GRM8: variants seen among roughly 807,000 people sequenced by gnomAD.
GRM8 encodes the protein glutamate metabotropic receptor 8.
Under a neutral mutation model 87.2 loss-of-function variants are expected in GRM8, and 47 were observed. The ratio of observed to expected loss-of-function variants is 0.54; its 90% CI spans 0.43 to 0.69. The LOEUF is 0.69. Among genes scored for constraint, GRM8 ranks in the 30% least tolerant of loss-of-function variants. The pLI is 0.00. For synonymous variants in GRM8, 396 were observed against 404.5 expected (o/e 0.98, Z 0.25); for missense variants, 1,019 against 1,139.2 (o/e 0.89, Z 1.52).
At chr7:126,602,456 C>CT in intron 8 of GRM8, among the ~76,000 whole-genome samples, 1 of 117,534 alleles carries the variant, frequency 8.5e-6, no homozygotes, top group East Asian at 3.0e-4. Flanking sequence ...GTAGTTTTTT[C>CT]CAATTCTGTG....
intron 7 of GRM8, among the ~76,000 whole-genome samples, chr7:126,701,096 T>A (rs1216437627): frequency 6.6e-6 from 1 of 152,046 alleles, no homozygotes. Flanking sequence ...TACAGTACAC[T>A]GGGCAGAGTG....
At chr7:126,797,604 T>C (rs1822107767) in intron 6 of GRM8, among the ~76,000 whole-genome samples, 1 of 152,144 alleles carries the variant, frequency 6.6e-6, no homozygotes, top group Non-Finnish European at 1.5e-5. Context: ...TGCTCCAATT[T>C]GAAGTCTACT....
chr7:127,097,125 T>C (rs975297457), intron 3 of GRM8, among the ~76,000 whole-genome samples: 5 of 152,074 alleles, frequency 3.3e-5, no homozygotes, highest in East Asian at 1.9e-4. Context: ...ATAGAAAAGA[T>C]TGACAGAGAA....
At chr7:126,732,624 T>C (rs1563134281) in intron 7 of GRM8, among the ~76,000 whole-genome samples, 1 of 152,150 alleles carries the variant, frequency 6.6e-6, no homozygotes, top group South Asian at 2.1e-4. Context: ...CACTTATCCT[T>C]ATTTGTGCAG....
At chr7:126,710,757 T>C (rs1241587215) in intron 7 of GRM8, among the ~76,000 whole-genome samples, 1 of 152,258 alleles carries the variant, frequency 6.6e-6, no homozygotes, top group Non-Finnish European at 1.5e-5. Context: ...TTTGGGCTCC[T>C]TCCATTAATC....
intron 3 of GRM8, among the ~76,000 whole-genome samples, chr7:126,994,895 A>G (rs1586701925): frequency 1.3e-5 from 2 of 152,212 alleles, no homozygotes; most frequent in Admixed American, 1.3e-4. Context: ...TCTTGAGAGA[A>G]TATAGGTCGT....
chr7:126,701,862 T>G, intron 7 of GRM8: 3 of 825,214 alleles, frequency 3.6e-6, no homozygotes, highest in Non-Finnish European at 5.4e-6. Flanking sequence ...ATAGTGATTA[T>G]AATGAGTTAA....
At chr7:127,097,675 C>A (rs1586993918) in intron 3 of GRM8, among the ~76,000 whole-genome samples, 1 of 152,250 alleles carries the variant, frequency 6.6e-6, no homozygotes, top group Non-Finnish European at 1.5e-5. Context: ...AGAACATTCA[C>A]AAGAATTATA....
chr7:126,835,157 T>C (rs1795731439), intron 6 of GRM8, among the ~76,000 whole-genome samples: 2 of 151,800 alleles, frequency 1.3e-5, no homozygotes, highest in Non-Finnish European at 2.9e-5. Flanking sequence ...ACTTTTACCA[T>C]GTAGCGTATT....
intron 6 of GRM8, among the ~76,000 whole-genome samples, chr7:126,790,066 G>A (rs1439109600): frequency 5.3e-5 from 8 of 151,198 alleles, no homozygotes; most frequent in Non-Finnish European, 1.2e-4. Context: ...GGAGTGCAAT[G>A]GCACAATCTC....
At chr7:127,234,678 C>A (rs1330131418) in intron 2 of GRM8, among the ~76,000 whole-genome samples, 3 of 152,208 alleles carry the variant, frequency 2.0e-5, no homozygotes, top group Non-Finnish European at 1.5e-5. Context: ...TCAGACCCCA[C>A]CCCGGGCCTC....
chr7:126,567,625 G>A (rs73224962), intron 8 of GRM8, among the ~76,000 whole-genome samples: 19,499 of 152,128 alleles, frequency 0.13, 1,561 homozygotes, highest in South Asian at 0.17. Flanking sequence ...TTTTAATTGT[G>A]TATGCTTTTA....
At chr7:126,946,972 A>T (rs906084918) in intron 3 of GRM8, among the ~76,000 whole-genome samples, 1 of 152,176 alleles carries the variant, frequency 6.6e-6, no homozygotes, top group East Asian at 1.9e-4. Flanking sequence ...AACTTGCTCT[A>T]TATTGCCCAC....
chr7:127,094,330 C>A (rs1824439547), intron 3 of GRM8, among the ~76,000 whole-genome samples: 1 of 152,178 alleles, frequency 6.6e-6, no homozygotes, highest in Non-Finnish European at 1.5e-5. Flanking sequence ...GGGAGGCATG[C>A]AGAGACCAGC....
At chr7:127,120,371 T>A (rs1052524069) in intron 2 of GRM8, among the ~76,000 whole-genome samples, 2 of 152,182 alleles carry the variant, frequency 1.3e-5, no homozygotes, top group African/African-American at 4.8e-5. Context: ...AAAGATAAAT[T>A]CAACAGTATT....
chr7:126,726,500 G>T (rs1812995531), intron 7 of GRM8, among the ~76,000 whole-genome samples: 1 of 152,120 alleles, frequency 6.6e-6, no homozygotes, highest in East Asian at 1.9e-4. Flanking sequence ...TCCCAGGCAA[G>T]GTGGTCCCAA....
chr7:126,504,843 T>C (rs1293448147), intron 9 of GRM8, among the ~76,000 whole-genome samples: 1 of 152,062 alleles, frequency 6.6e-6, no homozygotes, highest in Non-Finnish European at 1.5e-5. Context: ...GCCCCAAATT[T>C]TACAACAGTG....
intron 3 of GRM8, among the ~76,000 whole-genome samples, chr7:127,098,356 T>A (rs975766987): frequency 3.3e-5 from 5 of 152,260 alleles, no homozygotes; most frequent in African/African-American, 4.8e-5. Flanking sequence ...GGGGAAACAC[T>A]GCTGTTTATG....
chr7:126,801,916 CA>C (rs1822750691), intron 6 of GRM8, among the ~76,000 whole-genome samples: 1 of 152,168 alleles, frequency 6.6e-6, no homozygotes. Flanking sequence ...CAACATTGCT[CA>C]CATTGGACTG....
Sources: allele counts gnomAD v4.1 joint callset (sites outside exome capture counted in the v4.1 genomes callset), GRCh38; gene constraint gnomAD v4.1.1; transcripts MANE v1.5; gene names NCBI Gene and HGNC (gene_info 2026-07-23, HGNC 2026-07-21).